NFIA: variants seen among roughly 807,000 people sequenced by gnomAD.
The protein encoded by NFIA is nuclear factor 1 A-type.
Under a neutral mutation model 62.8 loss-of-function variants are expected in NFIA, and 8 were observed. The ratio of observed to expected loss-of-function variants is 0.13; its 90% CI spans 0.07 to 0.23. The LOEUF (loss-of-function observed/expected upper bound fraction) is 0.23, where lower values mean the gene tolerates loss of function less well. NFIA is among the 10% of genes least tolerant of loss of function. The pLI is 1.00. For synonymous variants in NFIA, 235 were observed against 238.1 expected (o/e 0.99, Z 0.12); for missense variants, 410 against 642.1 (o/e 0.64, Z 3.91).
chr1:61,176,921 A>C (rs546250215), intron 2 of NFIA, among the ~76,000 whole-genome samples: 1 of 151,968 alleles, frequency 6.6e-6, no homozygotes, highest in Non-Finnish European at 1.5e-5. Flanking sequence ...TGGCTAACAC[A>C]GTGAAACCCC....
At chr1:61,179,184 C>CA (rs1570323233) in intron 2 of NFIA, among the ~76,000 whole-genome samples, 1 of 152,206 alleles carries the variant, frequency 6.6e-6, no homozygotes, top group East Asian at 1.9e-4. Context: ...GTGGGGAGGA[C>CA]ACCAATAGTT....
chr1:61,363,905 T>C (rs1663441799), intron 6 of NFIA, among the ~76,000 whole-genome samples: 3 of 151,630 alleles, frequency 2.0e-5, no homozygotes, highest in Admixed American at 2.0e-4. Flanking sequence ...CATCATCCTA[T>C]AACTCACAAC....
At chr1:61,411,654 T>C (rs551795996) in intron 9 of NFIA, among the ~76,000 whole-genome samples, 5 of 151,612 alleles carry the variant, frequency 3.3e-5, no homozygotes, top group Admixed American at 3.3e-4. Flanking sequence ...GTGAACAAAA[T>C]AGTGAGTACG....
chr1:61,271,822 G>T (rs1454161707), intron 2 of NFIA, among the ~76,000 whole-genome samples: 1 of 152,186 alleles, frequency 6.6e-6, no homozygotes, highest in Non-Finnish European at 1.5e-5. Flanking sequence ...ATTCTAGCTT[G>T]CTGGGAAAGT....
At chr1:61,148,981 T>A (rs545534856) in intron 2 of NFIA, among the ~76,000 whole-genome samples, 1 of 152,232 alleles carries the variant, frequency 6.6e-6, no homozygotes, top group South Asian at 2.1e-4. Flanking sequence ...TAAGGGATCC[T>A]CCTGCCCCAG....
chr1:61,339,134 C>T (rs920863786), intron 4 of NFIA, among the ~76,000 whole-genome samples: 2 of 152,184 alleles, frequency 1.3e-5, no homozygotes, highest in Non-Finnish European at 2.9e-5. Context: ...CAAAAAGTCT[C>T]CATAAACTTA....
chr1:61,089,381 A>T (rs989784772), intron 2 of NFIA, among the ~76,000 whole-genome samples: 1 of 152,036 alleles, frequency 6.6e-6, no homozygotes, highest in East Asian at 1.9e-4. Context: ...AAAATCTTAA[A>T]TTTTTTTTCT....
intron 2 of NFIA, among the ~76,000 whole-genome samples, chr1:61,107,219 G>T (rs1021345274): frequency 7.0e-6 from 1 of 143,816 alleles, no homozygotes; most frequent in Non-Finnish European, 1.5e-5. Flanking sequence ...TAAATGTTAA[G>T]TTTTTTTTTT....
At chr1:61,285,677 A>AG (rs529286921) in intron 3 of NFIA, among the ~76,000 whole-genome samples, 1 of 152,110 alleles carries the variant, frequency 6.6e-6, no homozygotes, top group Non-Finnish European at 1.5e-5. Context: ...GGTGGAGGGT[A>AG]GGGGGCACTA....
At chr1:61,159,907 C>T (rs1389734288) in intron 2 of NFIA, among the ~76,000 whole-genome samples, 2 of 152,116 alleles carry the variant, frequency 1.3e-5, no homozygotes, top group Admixed American at 6.5e-5. Flanking sequence ...GTCTCAAACT[C>T]CTGACCTCAG....
At chr1:61,277,932 C>T (rs1190161952) in intron 3 of NFIA, among the ~76,000 whole-genome samples, 6 of 151,780 alleles carry the variant, frequency 4.0e-5, no homozygotes, top group Admixed American at 3.9e-4. Flanking sequence ...TTTTTCATTT[C>T]ATTTTAGTTC....
intron 2 of NFIA, among the ~76,000 whole-genome samples, chr1:61,161,064 G>A (rs376018408): frequency 4.6e-5 from 7 of 152,028 alleles, no homozygotes; most frequent in South Asian, 2.1e-4. Flanking sequence ...ACAGGCACTC[G>A]CCACTATGCC....
intron 10 of NFIA, among the ~76,000 whole-genome samples, chr1:61,450,996 C>T (rs1668031272): frequency 6.6e-6 from 1 of 152,102 alleles, no homozygotes; most frequent in Non-Finnish European, 1.5e-5. Flanking sequence ...GGGTTGAGGC[C>T]ATGGCCCGCA....
intron 4 of NFIA, among the ~76,000 whole-genome samples, chr1:61,348,357 AC>A (rs1662359639): frequency 6.6e-6 from 1 of 152,170 alleles, no homozygotes; most frequent in South Asian, 2.1e-4. Flanking sequence ...AGGGTGTGAA[AC>A]CCATTCTCAT....
chr1:61,079,625 C>T (rs1003102977), upstream of NFIA, among the ~76,000 whole-genome samples: 1 of 152,128 alleles, frequency 6.6e-6, no homozygotes. Flanking sequence ...GGGGTTTATC[C>T]TTCCTAACAA....
At chr1:61,081,756 G>C, upstream of NFIA, 1 of 970,870 alleles carries the variant, frequency 1.0e-6, no homozygotes, top group South Asian at 1.7e-5. Flanking sequence ...CACCACCCCC[G>C]CTTCTGAATG....
At chr1:61,455,222 T>A in intron 10 of NFIA, 81 bp from the exon 11 acceptor site, 2 of 1,465,628 alleles carry the variant, frequency 1.4e-6, no homozygotes, top group Non-Finnish European at 1.9e-6. Flanking sequence ...AGATCCTGAT[T>A]TCGTGGTTGA....
At chr1:61,297,174 G>A (rs1659231974) in intron 3 of NFIA, among the ~76,000 whole-genome samples, 1 of 152,108 alleles carries the variant, frequency 6.6e-6, no homozygotes. Context: ...GTAGATAAAA[G>A]GTTTCTCTAA....
chr1:61,277,229 G>T (rs1437850552), intron 2 of NFIA, among the ~76,000 whole-genome samples: 1 of 152,174 alleles, frequency 6.6e-6, no homozygotes, highest in African/African-American at 2.4e-5. Flanking sequence ...GTTTGGAAAT[G>T]GTCTCTCTAA....
Sources: allele counts gnomAD v4.1 joint callset (sites outside exome capture counted in the v4.1 genomes callset), GRCh38; gene constraint gnomAD v4.1.1; transcripts MANE v1.5; gene names NCBI Gene and HGNC (gene_info 2026-07-23, HGNC 2026-07-21).